Variants in FGD4 observed in about 807,000 individuals in gnomAD.
FGD4 encodes the protein FYVE, RhoGEF and PH domain-containing protein 4.
In FGD4, 42 loss-of-function variants were observed where a neutral mutation model predicts 102.0. The ratio of observed to expected loss-of-function variants is 0.41; its 90% CI spans 0.32 to 0.53. The LOEUF is 0.53. Among genes scored for constraint, FGD4 ranks in the 20% least tolerant of loss-of-function variants. FGD4 has a pLI of 0.21. For missense variants in FGD4, 902 were observed against 1,078.2 expected, an observed-to-expected ratio of 0.84 and a Z score of 2.29; for synonymous variants, 380 against 375.7, an observed-to-expected ratio of 1.01 and a Z score of -0.13.
intron 2 of FGD4, among the ~76,000 whole-genome samples, chr12:32,567,163 CTT>C (rs1279859214): frequency 6.6e-6 from 1 of 152,200 alleles, no homozygotes; most frequent in African/African-American, 2.4e-5. Context: ...CCCAGGAAGC[CTT>C]TGTCTCTTTG....
chr12:32,460,686 G>A (rs1339381777), intron 1 of FGD4, among the ~76,000 whole-genome samples: 3 of 152,158 alleles, frequency 2.0e-5, no homozygotes, highest in Non-Finnish European at 2.9e-5. Flanking sequence ...GGCAAAGAAA[G>A]ATTGGTCATT....
chr12:32,414,910 A>G (rs1472792427), intron 1 of FGD4, among the ~76,000 whole-genome samples: 1 of 152,156 alleles, frequency 6.6e-6, no homozygotes, highest in African/African-American at 2.4e-5. Context: ...TTTTTGATGT[A>G]GGCCCTCATA....
chr12:32,625,624 A>G (rs983760425), intron 13 of FGD4, 30 bp from the exon 14 acceptor site: 1 of 1,609,458 alleles, frequency 6.2e-7, no homozygotes, highest in Non-Finnish European at 8.5e-7. Flanking sequence ...GTTTTTTTCT[A>G]TTAAAATTGA....
intron 1 of FGD4, among the ~76,000 whole-genome samples, chr12:32,473,141 A>G (rs1456941160): frequency 6.6e-6 from 1 of 151,970 alleles, no homozygotes; most frequent in Non-Finnish European, 1.5e-5. Context: ...AAACGCACCA[A>G]TCAGCACCCT....
At chr12:32,624,238 GTCTGAACC>G (rs2136930287) in intron 11 of FGD4, among the ~76,000 whole-genome samples, 176 bp from the exon 12 acceptor site, 1 of 152,252 alleles carries the variant, frequency 6.6e-6, no homozygotes, top group African/African-American at 2.4e-5. Context: ...TCAGTGGATA[GTCTGAACC>G]TCTACTTAAG....
chr12:32,548,283 CAAATGAAGTGTTT>C (rs1458680036), intron 1 of FGD4, among the ~76,000 whole-genome samples: 2 of 152,124 alleles, frequency 1.3e-5, no homozygotes, highest in Admixed American at 1.3e-4. Context: ...AGTTTCTTAT[CAAATGAAGTGTTT>C]TGTCCGATCT....
At chr12:32,468,144 G>C (rs1244509330) in intron 1 of FGD4, among the ~76,000 whole-genome samples, 1 of 152,000 alleles carries the variant, frequency 6.6e-6, no homozygotes, top group East Asian at 1.9e-4. Flanking sequence ...TTGGACTCAA[G>C]CATTCCTCCC....
intron 16 of FGD4, 93 bp from the exon 17 acceptor site, chr12:32,640,183 A>G: frequency 1.3e-6 from 2 of 1,594,708 alleles, no homozygotes; most frequent in South Asian, 1.1e-5. Flanking sequence ...TCTGTTTGGG[A>G]CAGTGGTAGG....
At chr12:32,556,708 A>G (rs575315056) in intron 1 of FGD4, among the ~76,000 whole-genome samples, 1 of 151,492 alleles carries the variant, frequency 6.6e-6, no homozygotes, top group East Asian at 2.0e-4. Context: ...AAATACAAAA[A>G]TTAGCTGCAC....
intron 1 of FGD4, among the ~76,000 whole-genome samples, chr12:32,443,324 C>T (rs1209788284): frequency 6.6e-6 from 1 of 152,096 alleles, no homozygotes; most frequent in Non-Finnish European, 1.5e-5. Context: ...CTAGCCTGGG[C>T]AACAGAACAA....
intron 1 of FGD4, among the ~76,000 whole-genome samples, chr12:32,470,213 G>C (rs961514123): frequency 6.6e-6 from 1 of 152,066 alleles, no homozygotes; most frequent in Non-Finnish European, 1.5e-5. Flanking sequence ...AAGCCTCCAA[G>C]TTCCATATAT....
chr12:32,501,702 T>TA (rs1938231027), intron 1 of FGD4, among the ~76,000 whole-genome samples: 1 of 152,224 alleles, frequency 6.6e-6, no homozygotes, highest in South Asian at 2.1e-4. Flanking sequence ...ATATTTGTTT[T>TA]AAAAAATCCT....
At chr12:32,433,005 TTTTTA>T (rs1345690225) in intron 1 of FGD4, among the ~76,000 whole-genome samples, 1 of 152,156 alleles carries the variant, frequency 6.6e-6, no homozygotes, top group Admixed American at 6.6e-5. Flanking sequence ...GATTTTTTTT[TTTTTA>T]TTTTGAGACA....
intron 3 of FGD4, among the ~76,000 whole-genome samples, chr12:32,577,032 G>C (rs554056864): frequency 2.6e-5 from 4 of 151,950 alleles, no homozygotes; most frequent in African/African-American, 9.7e-5. Flanking sequence ...CTAAATTTCA[G>C]TTTTGTATTT....
At chr12:32,512,868 C>T (rs1939527851) in intron 1 of FGD4, among the ~76,000 whole-genome samples, 3 of 152,060 alleles carry the variant, frequency 2.0e-5, no homozygotes, top group Admixed American at 2.0e-4. Flanking sequence ...GTTTGTAAAC[C>T]TTGGCAGAAA....
At chr12:32,498,281 T>A (rs994905456) in intron 1 of FGD4, among the ~76,000 whole-genome samples, 1 of 152,232 alleles carries the variant, frequency 6.6e-6, no homozygotes, top group Admixed American at 6.5e-5. Flanking sequence ...TGCAAACTCC[T>A]ACCTCTAGAC....
intron 1 of FGD4, among the ~76,000 whole-genome samples, chr12:32,449,884 A>G (rs1170395323): frequency 6.6e-6 from 1 of 152,094 alleles, no homozygotes; most frequent in Non-Finnish European, 1.5e-5. Flanking sequence ...TTCCACAGGC[A>G]TGTACCACTA....
At chr12:32,494,661 T>C (rs1163196537) in intron 1 of FGD4, among the ~76,000 whole-genome samples, 1 of 152,184 alleles carries the variant, frequency 6.6e-6, no homozygotes, top group Non-Finnish European at 1.5e-5. Context: ...TGCTTAAGTG[T>C]TCAGAGTCCT....
intron 15 of FGD4, 117 bp downstream of exon 15, chr12:32,633,806 C>T (rs935479311): frequency 6.4e-6 from 6 of 942,422 alleles, no homozygotes; most frequent in Non-Finnish European, 9.3e-6. Context: ...ACCTCAGCCT[C>T]CCAAGTTGCT....
Sources: allele counts gnomAD v4.1 joint callset (sites outside exome capture counted in the v4.1 genomes callset), GRCh38; gene constraint gnomAD v4.1.1; transcripts MANE v1.5; gene names NCBI Gene and HGNC (gene_info 2026-07-23, HGNC 2026-07-21).